The following SNTG2 variants were observed in gnomAD, a reference collection of about 807,000 sequenced individuals.
SNTG2 encodes the protein syntrophin gamma 2, also known as gamma-2-syntrophin.
Under a neutral mutation model 70.9 loss-of-function variants are expected in SNTG2, and 74 were observed. That is an observed-to-expected ratio of 1.04 (90% CI 0.86 to 1.27). The LOEUF (loss-of-function observed/expected upper bound fraction) is 1.27, where lower values mean the gene tolerates loss of function less well. Among genes scored for constraint, SNTG2 ranks in the 50% most tolerant of loss-of-function variants. The probability of loss-of-function intolerance (pLI) is 0.00; values close to 1 mark genes in which losing one functional copy is unlikely to be tolerated. For missense variants in SNTG2, 717 were observed against 690.7 expected (o/e 1.04, Z -0.43); for synonymous variants, 278 against 273.8 (o/e 1.02, Z -0.15).
chr2:1,314,366 C>T (rs974850025), intron 15 of SNTG2, among the ~76,000 whole-genome samples: 1 of 152,246 alleles, frequency 6.6e-6, no homozygotes, highest in African/African-American at 2.4e-5. Context: ...ATGAGACTTA[C>T]CTGAATCTAA....
At chr2:1,197,417 G>T (rs1213500010) in intron 8 of SNTG2, among the ~76,000 whole-genome samples, 3 of 150,024 alleles carry the variant, frequency 2.0e-5, no homozygotes, top group South Asian at 4.2e-4. Flanking sequence ...TTCATCAAAA[G>T]TCTATAAAAA....
At chr2:1,012,083 A>C (rs554799473) in intron 1 of SNTG2, among the ~76,000 whole-genome samples, 3 of 152,362 alleles carry the variant, frequency 2.0e-5, no homozygotes, top group Middle Eastern at 3.4e-3. Context: ...TCTCTAAATC[A>C]TAAGCAAATT....
intron 1 of SNTG2, among the ~76,000 whole-genome samples, chr2:975,673 A>C (rs1051046335): frequency 4.3e-4 from 65 of 152,236 alleles, no homozygotes; most frequent in Middle Eastern, 3.2e-3. Flanking sequence ...TGTTTTAAAC[A>C]AAAAAATCTA....
chr2:1,079,768 T>G (rs112701255), intron 1 of SNTG2, among the ~76,000 whole-genome samples: 105 of 152,296 alleles, frequency 6.9e-4, no homozygotes, highest in African/African-American at 2.2e-3. Context: ...GTAGCAATGG[T>G]GAGTGGTCAG....
chr2:1,216,244 A>T (rs573101747), intron 9 of SNTG2, among the ~76,000 whole-genome samples: 30 of 152,260 alleles, frequency 2.0e-4, no homozygotes, highest in African/African-American at 7.0e-4. Flanking sequence ...AATGATTGCC[A>T]TTCTAACTGG....
chr2:1,242,595 G>A (rs1279266034), intron 11 of SNTG2: 1 of 152,168 alleles, frequency 6.6e-6, no homozygotes, highest in Non-Finnish European at 1.5e-5. Context: ...ATAGCAAGCA[G>A]CCCTATTTCT....
At chr2:1,139,270 G>T (rs6760313) in intron 6 of SNTG2, among the ~76,000 whole-genome samples, 3 of 151,956 alleles carry the variant, frequency 2.0e-5, no homozygotes, top group African/African-American at 7.3e-5. Context: ...TTGTTCTGTC[G>T]CCCAGTGTAG....
Position 1,353,454 on chromosome 2 carries a change from A to G in SNTG2, c.1489-13889A>G, listed in dbSNP as rs1331151895. 6.6e-6 allele frequency among the ~76,000 whole-genome samples: 1 copy of G among 152,202 alleles called. No homozygotes were observed. Among genetic ancestry groups the G allele is most frequent in the Non-Finnish European group, 1.5e-5 (1 of 68,034 alleles). On this transcript the variant is annotated intron_variant, in intron 16 of 16. Coordinates refer to ENST00000308624, the MANE Select transcript of SNTG2 (RefSeq NM_018968.4). This position sits in a 1 kb window ranked among gnomAD's most constrained non-coding sequence, Gnocchi z 4.2. ...ACTTCTTGGGCTTATTCTAAGACAA[A>G]CTACAAAGCATCCTCGCTTATTCCA...
chr2:1,148,939 A>G (rs71339709), intron 6 of SNTG2, among the ~76,000 whole-genome samples: 142,518 of 152,136 alleles, frequency 0.94, 66,882 homozygotes, highest in Non-Finnish European at 0.97. Flanking sequence ...AGGAGTCTCG[A>G]GGTTTCACAG....
At chr2:980,921 C>T (rs1348100799) in intron 1 of SNTG2, among the ~76,000 whole-genome samples, 2 of 152,180 alleles carry the variant, frequency 1.3e-5, no homozygotes, top group Admixed American at 6.5e-5. Context: ...TCTTAATCAT[C>T]ATGACAGCCC....
chr2:961,167 C>A (rs1660337011), intron 1 of SNTG2, among the ~76,000 whole-genome samples: 1 of 151,910 alleles, frequency 6.6e-6, no homozygotes, highest in African/African-American at 2.4e-5. Context: ...ATGTTATCAC[C>A]CCTGGGAGGC....
chr2:1,285,831 G>A (rs963115586), intron 14 of SNTG2, among the ~76,000 whole-genome samples: 1 of 152,236 alleles, frequency 6.6e-6, no homozygotes, highest in South Asian at 2.1e-4. Context: ...ATTCCTGAAG[G>A]GTCTGGACCA....
intron 16 of SNTG2, chr2:1,346,505 G>C (rs1460104394): frequency 6.6e-6 from 1 of 152,228 alleles, no homozygotes; most frequent in Non-Finnish European, 1.5e-5. Flanking sequence ...CGAATTCCAG[G>C]GGCAGCCAGG....
At chr2:1,243,310 A>G (rs35183827) in intron 11 of SNTG2, among the ~76,000 whole-genome samples, 14,670 of 152,274 alleles carry the variant, frequency 0.096, 786 homozygotes, top group South Asian at 0.15. Context: ...AAGAAAGAGC[A>G]AGCAGCCCTG....
chr2:1,347,124 G>C (rs1660333624), intron 16 of SNTG2, among the ~76,000 whole-genome samples: 1 of 152,238 alleles, frequency 6.6e-6, no homozygotes, highest in African/African-American at 2.4e-5. Context: ...ACTCGGAACA[G>C]GAAGGTGAAG....
At chr2:1,005,748 G>T (rs1475816705) in intron 1 of SNTG2, among the ~76,000 whole-genome samples, 6 of 147,024 alleles carry the variant, frequency 4.1e-5, no homozygotes, top group African/African-American at 1.3e-4. Flanking sequence ...AGGTTGCAGT[G>T]AGCCGAGATT....
chr2:1,077,198 A>T (rs1384244594), intron 1 of SNTG2, among the ~76,000 whole-genome samples: 1 of 152,164 alleles, frequency 6.6e-6, no homozygotes, highest in Non-Finnish European at 1.5e-5. Flanking sequence ...CTTAGAAGTA[A>T]AAATGCCACA....
At chr2:1,233,726 T>C (rs1285626584) in intron 9 of SNTG2, among the ~76,000 whole-genome samples, 1 of 152,260 alleles carries the variant, frequency 6.6e-6, no homozygotes, top group Admixed American at 6.5e-5. Flanking sequence ...AAAACTGAAT[T>C]GATTCACTTT....
intron 1 of SNTG2, among the ~76,000 whole-genome samples, chr2:1,076,438 C>T (rs1663919236): frequency 6.6e-6 from 1 of 152,216 alleles, no homozygotes; most frequent in Admixed American, 6.5e-5. Context: ...AATATACTGA[C>T]TTCTGGATAA....
Sources: gnomAD v4.1 joint callset for allele counts (sites outside exome capture counted in the v4.1 genomes callset) on GRCh38, gnomAD v4.1.1 for gene constraint, Gnocchi (gnomAD v3.1) non-coding constraint, MANE v1.5 for transcripts, NCBI Gene and HGNC (gene_info 2026-07-23, HGNC 2026-07-21) for gene names.